Variants in ZNF273 observed in about 807,000 individuals in gnomAD.
ZNF273 encodes the protein zinc finger protein 9.
A neutral mutation model predicts 14.9 loss-of-function variants in ZNF273; 11 were observed. The ratio of observed to expected loss-of-function variants is 0.74; its 90% CI spans 0.46 to 1.22. The LOEUF (loss-of-function observed/expected upper bound fraction) is 1.22, where lower values mean the gene tolerates loss of function less well. Ranked by LOEUF, ZNF273 falls within the 50% of genes most tolerant of loss-of-function variation. ZNF273 has a pLI of 0.00. For missense variants in ZNF273, 577 were observed against 660.6 expected (o/e 0.87, Z 1.39); for synonymous variants, 199 against 223.9 (o/e 0.89, Z 0.99).
At chr7:64,880,294 A>T (rs902696538), downstream of ZNF273, 2 of 152,240 alleles carry the variant, frequency 1.3e-5, no homozygotes, top group Non-Finnish European at 2.9e-5. Context: ...GATCGGCAGG[A>T]TGCTTCAGGC....
chr7:64,879,491 A>T (rs1046165651), exon 3 of ZNF273: 1 of 152,288 alleles, frequency 6.6e-6, no homozygotes, highest in East Asian at 1.9e-4. Context: ...CACTTTCTCA[A>T]CCTCACCTGC....
chr7:64,881,927 C>G (rs1336250436), downstream of ZNF273, among the ~76,000 whole-genome samples: 1 of 152,178 alleles, frequency 6.6e-6, no homozygotes, highest in African/African-American at 2.4e-5. Flanking sequence ...GTCTTGCAAT[C>G]GCTGTAGACG....
At position 64,904,724 on chromosome 7, in the gene ZNF273, T is replaced by A. The variant is rs180871888; in HGVS notation, c.102+1305T>A. Among the ~76,000 whole-genome samples the A allele has an allele frequency of 4.7e-3, 716 of 152,260 alleles. 6 individuals are homozygous for A. Among genetic ancestry groups the A allele is most frequent in the African/African-American group, 0.016 (667 of 41,532 alleles). On this transcript the variant is annotated intron_variant, in intron 1 of 3. Transcript: ENST00000476120. ...AGCATTGGATAGCACTTTAGAAAAATTTTTTTCTGTTTGAAAATATTTCCC... is the reference window on the plus strand; with the variant it reads ...AGCATTGGATAGCACTTTAGAAAAAATTTTTTCTGTTTGAAAATATTTCCC...
intron 2 of ZNF273, 108 bp from the exon 3 acceptor site, chr7:64,918,086 TTGG>T: frequency 2.1e-6 from 2 of 970,092 alleles, no homozygotes; most frequent in Non-Finnish European, 2.9e-6. Context: ...ATTAGATATT[TTGG>T]GATTAATTTA....
chr7:64,892,081 G>A (rs1792070546), downstream of ZNF273, among the ~76,000 whole-genome samples: 1 of 152,182 alleles, frequency 6.6e-6, no homozygotes, highest in Admixed American at 6.5e-5. Context: ...CCCTGAGCAG[G>A]CTGACAGAAA....
Position 64,928,714 on chromosome 7 carries a change from ATG to A in ZNF273, c.1389_1390del (p.Cys463TrpfsTer5), listed in dbSNP as rs1491098478. The A allele has an allele frequency of 1.2e-6, 2 of 1,607,000 alleles. No individual in the cohort carries two copies. Among genetic ancestry groups the A allele is most frequent in the South Asian group, 2.2e-5 (2 of 90,558 alleles). ...TGAKPYKCEE[C>X]GSAFRAFSTL... ...GAGCAAAACCTTACAAATGTGAAGAATGTGGCAGTGCCTTTAGGGCATTCTCA... is the reference window on the plus strand; with the variant it reads ...GAGCAAAACCTTACAAATGTGAAGAATGGCAGTGCCTTTAGGGCATTCTCA... On this transcript the variant is annotated frameshift_variant, in exon 4 of 4. Coordinates refer to ENST00000476120, the MANE Select transcript of ZNF273 (RefSeq NM_021148.3). LOFTEE classifies it low-confidence loss of function (END_TRUNC).
downstream of ZNF273, among the ~76,000 whole-genome samples, chr7:64,881,610 C>A (rs190167349): frequency 2.1e-3 from 322 of 152,204 alleles, no homozygotes; most frequent in African/African-American, 7.2e-3. Flanking sequence ...CATCCACTGT[C>A]CTTGTGGGGG....
At position 64,918,285 on chromosome 7, in the gene ZNF273, A is replaced by AC; in HGVS notation, c.323dup (p.Val109SerfsTer34). The AC allele has an allele frequency of 6.4e-7, 1 of 1,559,480 alleles. No homozygotes were observed. The highest frequency in any genetic ancestry group is 8.7e-7 in the Non-Finnish European group (1 of 1,148,282). Reference sequence around the variant, plus strand: ...TGAAGAGACATGCGATGGTAGCCAAACCCCCAGGTAGGTGAGAGTGATAGC... The same window carrying AC: ...TGAAGAGACATGCGATGGTAGCCAAACCCCCCAGGTAGGTGAGAGTGATAGC... On this transcript the variant is annotated frameshift_variant, in exon 3 of 4. Transcript: ENST00000476120. LOFTEE classifies it low-confidence loss of function (END_TRUNC).
upstream of ZNF273, among the ~76,000 whole-genome samples, chr7:64,900,617 A>T (rs955626747): frequency 1.3e-5 from 2 of 152,194 alleles, no homozygotes; most frequent in Admixed American, 1.3e-4. Flanking sequence ...AGAAATAGGC[A>T]ACATGGCTGC....
chr7:64,888,698 C>T (rs955901968), exon 2 of ZNF273: 18 of 985,626 alleles, frequency 1.8e-5, no homozygotes, highest in African/African-American at 1.7e-5. Context: ...GTGAGAGGTC[C>T]GGCTCCTGGA....
chr7:64,902,665 G>A (rs115028737), upstream of ZNF273, among the ~76,000 whole-genome samples: 1,747 of 152,314 alleles, frequency 0.011, 32 homozygotes, highest in African/African-American at 0.039. Context: ...AGATCGGATC[G>A]TGCCACTGCA....
intron 1 of ZNF273, among the ~76,000 whole-genome samples, chr7:64,914,182 ATTTT>A (rs375695781): frequency 1.1e-4 from 8 of 70,890 alleles, no homozygotes; most frequent in East Asian, 3.7e-4. Flanking sequence ...TAATTTTTGT[ATTTT>A]TTTTTTTTTT....
intron 2 of ZNF273, 142 bp from the exon 3 acceptor site, chr7:64,918,055 A>G: frequency 2.8e-6 from 2 of 713,614 alleles, no homozygotes; most frequent in Non-Finnish European, 3.9e-6. Context: ...TTTTTTAAAT[A>G]TTTAGAAATT....
rs1000944799 is a variant in ZNF273, at chr7:64,897,229, A to G, written n.489-119A>G. The G allele has an allele frequency of 2.6e-5, 4 of 152,272 alleles. No individual in the cohort carries two copies. The East Asian group carries it at 7.7e-4, about 29-fold the overall frequency. 9.4% of individuals were successfully genotyped at this position (152,272 alleles called of 1,614,324 possible). ...TGAGGAGTCAAAACTTAATGTTGGT[A>G]GAGCTGAGAATAGCAGTTTCCTGGT... On this transcript the variant is annotated intron_variant and non_coding_transcript_variant, in intron 3 of 7. Coordinates refer to the ZNF273 transcript ENST00000527278.
At chr7:64,900,772 A>T (rs905740212), upstream of ZNF273, among the ~76,000 whole-genome samples, 2 of 152,078 alleles carry the variant, frequency 1.3e-5, no homozygotes, top group Admixed American at 6.6e-5. Context: ...AATCTTTCAT[A>T]CCCTATGTAC....
At chr7:64,912,826 G>GTTTTTTGTTGTTGTTTTTTGTTTTT in intron 1 of ZNF273, among the ~76,000 whole-genome samples, 9 of 36,572 alleles carry the variant, frequency 2.5e-4, no homozygotes, top group African/African-American at 6.5e-4. Flanking sequence ...ATTCATTTTA[G>GTTTTTTGTTGTTGTTTTTTGTTTTT]TTTTTTTTTT....
At chr7:64,905,942 G>A (rs1189943472) in intron 1 of ZNF273, among the ~76,000 whole-genome samples, 1 of 152,124 alleles carries the variant, frequency 6.6e-6, no homozygotes, top group African/African-American at 2.4e-5. Context: ...TTCAGGGAGA[G>A]AAATAATATC....
chr7:64,925,485 T>A (rs796529803), intron 3 of ZNF273, among the ~76,000 whole-genome samples: 17 of 152,316 alleles, frequency 1.1e-4, no homozygotes, highest in African/African-American at 4.1e-4. Flanking sequence ...TTGCCAAGGC[T>A]GGAGTGCAGT....
chr7:64,900,555 G>A (rs1001336143), upstream of ZNF273, among the ~76,000 whole-genome samples: 1 of 152,186 alleles, frequency 6.6e-6, no homozygotes, highest in Non-Finnish European at 1.5e-5. Context: ...AGCTAGCCAG[G>A]TGTGTTCAAC....
Sources: gnomAD v4.1 joint callset for allele counts (sites outside exome capture counted in the v4.1 genomes callset) on GRCh38, gnomAD v4.1.1 for gene constraint, MANE v1.5 for transcripts, NCBI Gene and HGNC (gene_info 2026-07-23, HGNC 2026-07-21) for gene names.